FAM135B: variants seen among roughly 807,000 people sequenced by gnomAD.
The protein encoded by FAM135B is protein FAM135B.
In FAM135B, 43 loss-of-function variants were observed where a neutral mutation model predicts 127.7. The ratio of observed to expected loss-of-function variants is 0.34; its 90% CI spans 0.26 to 0.43. The LOEUF is 0.43. FAM135B is among the 20% of genes least tolerant of loss of function. FAM135B has a pLI of 1.00. For missense variants in FAM135B, 1,558 were observed against 1,725.6 expected (o/e 0.90, Z 1.72); for synonymous variants, 670 against 665.1 (o/e 1.01, Z -0.11).
intron 2 of FAM135B, among the ~76,000 whole-genome samples, chr8:138,337,000 C>G (rs1828647859): frequency 6.6e-6 from 1 of 152,140 alleles, no homozygotes; most frequent in Admixed American, 6.6e-5. Context: ...GAACCAAAGA[C>G]AAAAACCATA....
chr8:138,257,637 G>A (rs970084484), intron 4 of FAM135B, among the ~76,000 whole-genome samples: 2 of 151,998 alleles, frequency 1.3e-5, no homozygotes, highest in African/African-American at 4.8e-5. Context: ...TCACAGGCAG[G>A]ATGAAGCCCT....
intron 2 of FAM135B, among the ~76,000 whole-genome samples, chr8:138,318,676 T>C (rs1827248561): frequency 6.6e-6 from 1 of 152,242 alleles, no homozygotes; most frequent in African/African-American, 2.4e-5. Flanking sequence ...GCACATTTTG[T>C]TGTATAGCTA....
At chr8:138,149,916 G>T (rs1460781796) in intron 13 of FAM135B, among the ~76,000 whole-genome samples, 1 of 152,140 alleles carries the variant, frequency 6.6e-6, no homozygotes, top group Non-Finnish European at 1.5e-5. Flanking sequence ...GACCAGGCAG[G>T]CACTGGACAG....
At chr8:138,407,320 T>C (rs1288242395) in intron 1 of FAM135B, among the ~76,000 whole-genome samples, 4 of 151,950 alleles carry the variant, frequency 2.6e-5, no homozygotes, top group Non-Finnish European at 4.4e-5. Context: ...ATCGTGAAAA[T>C]GGCCATACTG....
chr8:138,410,783 G>A (rs557965272), intron 1 of FAM135B, among the ~76,000 whole-genome samples: 3 of 152,122 alleles, frequency 2.0e-5, no homozygotes, highest in Non-Finnish European at 4.4e-5. Flanking sequence ...CCATTACTGG[G>A]TAAATATCTG....
At chr8:138,147,620 G>A (rs928698168) in intron 14 of FAM135B, among the ~76,000 whole-genome samples, 1 of 152,152 alleles carries the variant, frequency 6.6e-6, no homozygotes, top group Non-Finnish European at 1.5e-5. Flanking sequence ...TTGAACTAGA[G>A]AAGTCATCTT....
At chr8:138,481,289 G>A (rs566838663) in intron 1 of FAM135B, among the ~76,000 whole-genome samples, 1 of 152,312 alleles carries the variant, frequency 6.6e-6, no homozygotes, top group South Asian at 2.1e-4. Context: ...AGGCCACCTA[G>A]GACAAAAATA....
chr8:138,320,169 C>T (rs892722411), intron 2 of FAM135B, among the ~76,000 whole-genome samples: 14 of 152,184 alleles, frequency 9.2e-5, no homozygotes, highest in Non-Finnish European at 2.1e-4. Flanking sequence ...TTGTTTTAAG[C>T]CACTTAGGTT....
intron 3 of FAM135B, among the ~76,000 whole-genome samples, chr8:138,295,036 G>A (rs1825375346): frequency 6.6e-6 from 1 of 151,166 alleles, no homozygotes; most frequent in South Asian, 2.1e-4. Context: ...ACATAGAAGA[G>A]CTGGGTCATG....
At chr8:138,349,512 G>C (rs893051374) in intron 2 of FAM135B, among the ~76,000 whole-genome samples, 3 of 152,202 alleles carry the variant, frequency 2.0e-5, no homozygotes, top group Non-Finnish European at 2.9e-5. Context: ...GGATATAGCA[G>C]GATATAGTAG....
At chr8:138,158,596 A>C (rs1371535674) in intron 12 of FAM135B, among the ~76,000 whole-genome samples, 1 of 152,204 alleles carries the variant, frequency 6.6e-6, no homozygotes, top group Non-Finnish European at 1.5e-5. Context: ...AATTTACAAG[A>C]AAAAATCAAA....
intron 15 of FAM135B, among the ~76,000 whole-genome samples, chr8:138,144,756 G>T (rs751945345): frequency 6.6e-6 from 1 of 152,176 alleles, no homozygotes; most frequent in Non-Finnish European, 1.5e-5. Flanking sequence ...ATTGTGTAAA[G>T]GTCCAGCTCT....
chr8:138,298,069 T>G (rs900478075), intron 3 of FAM135B, among the ~76,000 whole-genome samples: 5 of 152,162 alleles, frequency 3.3e-5, no homozygotes, highest in African/African-American at 1.2e-4. Context: ...TGGCTTTCTC[T>G]ACACCTAAAT....
intron 1 of FAM135B, among the ~76,000 whole-genome samples, chr8:138,431,806 C>A (rs1019165056): frequency 6.6e-6 from 1 of 152,144 alleles, no homozygotes; most frequent in African/African-American, 2.4e-5. Context: ...AAGGCTGGGT[C>A]CCTTTAGGTT....
chr8:138,317,793 C>T (rs539224383), intron 2 of FAM135B, among the ~76,000 whole-genome samples: 137 of 152,258 alleles, frequency 9.0e-4, no homozygotes, highest in Admixed American at 1.5e-3. Context: ...GATGGATATA[C>T]GGGACAAGAA....
At chr8:138,203,706 C>T (rs769806036) in intron 7 of FAM135B, among the ~76,000 whole-genome samples, 7 of 151,960 alleles carry the variant, frequency 4.6e-5, no homozygotes, top group African/African-American at 9.7e-5. Flanking sequence ...TTCCATGAAC[C>T]GAAGGTATGG....
chr8:138,436,863 T>C (rs887557054), intron 1 of FAM135B: 1 of 152,234 alleles, frequency 6.6e-6, no homozygotes, highest in Non-Finnish European at 1.5e-5. Flanking sequence ...AGAGCTGTTG[T>C]AGAATAAAAT....
chr8:138,242,883 A>G lies in FAM135B; in HGVS notation c.669+59T>C, dbSNP rs1586864375. 6.4e-7 allele frequency: 1 copy of G among 1,574,442 alleles called. No homozygotes were observed. The highest frequency in any genetic ancestry group is 8.6e-7 in the Non-Finnish European group (1 of 1,162,304). ...CAAAGAAGCATGAATCTCATAGAAC[A>G]TACACTCTGCAAAGTAAAGTTTGAA... On this transcript the variant is annotated intron_variant, in intron 7 of 19. Coordinates refer to ENST00000395297, the MANE Select transcript of FAM135B (RefSeq NM_015912.4). The surrounding 1 kb of genome is among the most constrained non-coding windows in gnomAD (Gnocchi z 9.6).
At chr8:138,477,864 C>A (rs1010842642) in intron 1 of FAM135B, among the ~76,000 whole-genome samples, 1 of 152,106 alleles carries the variant, frequency 6.6e-6, no homozygotes, top group Non-Finnish European at 1.5e-5. Flanking sequence ...TCCTATATAT[C>A]AGAAATATGG....
Sources: allele counts gnomAD v4.1 joint callset (sites outside exome capture counted in the v4.1 genomes callset), GRCh38; gene constraint gnomAD v4.1.1; non-coding constraint Gnocchi (gnomAD v3.1); transcripts MANE v1.5; gene names NCBI Gene and HGNC (gene_info 2026-07-23, HGNC 2026-07-21).